FHL3: variants seen among roughly 807,000 people sequenced by gnomAD.
FHL3 encodes the protein four and a half LIM domains 3.
A neutral mutation model predicts 34.3 loss-of-function variants in FHL3; 21 were observed. The observed-to-expected ratio is 0.61, with a 90% confidence interval of 0.43 to 0.88. The LOEUF is 0.88. FHL3 is among the 40% of genes least tolerant of loss of function. FHL3 has a pLI of 0.00. For missense variants in FHL3, 333 were observed against 373.7 expected (o/e 0.89, Z 0.90); for synonymous variants, 137 against 144.6 (o/e 0.95, Z 0.38).
chr1:37,998,174 C>T lies in FHL3; in HGVS notation c.332-42G>A, dbSNP rs372470458. On this transcript the variant is annotated intron_variant, in intron 3 of 5. Coordinates refer to ENST00000373016, the MANE Select transcript of FHL3 (RefSeq NM_004468.5). ...TCCCATTTAGAGGTTGTGTCCCATG[C>T]TCCTGAGGGCCACCCTCTGTAACTT... is the stretch of plus-strand genomic sequence containing the variant. 10 of 1,582,836 alleles carry T rather than the reference C, an allele frequency of 6.3e-6. No homozygotes were observed. In the African/African-American group the frequency reaches 1.2e-4, roughly 19 times the overall value.
In FHL3 at chr1:37,999,261, G is replaced by A. The variant is rs779116540; in HGVS notation, c.152C>T (p.Ser51Leu). 8 of 1,614,046 alleles carry A rather than the reference G, an allele frequency of 5.0e-6. No homozygotes were observed. Among genetic ancestry groups the A allele is most frequent in the Non-Finnish European group, 6.8e-6 (8 of 1,180,024 alleles). ...AECQQLIGHD[S>L]RELFYEDRHF... ...CTGGCCTGGCCCTCTCCTTACCCTC[G>A]AGTCATGCCCGATAAGCTGCTGGCA... Residue 51 changes from serine to leucine, a missense_variant, in exon 2 of 6, where the codon TCG (serine) becomes TTG (leucine). Transcript: ENST00000373016.
At chr1:38,000,192 G>A (rs891579023) in intron 1 of FHL3, among the ~76,000 whole-genome samples, 1 of 152,218 alleles carries the variant, frequency 6.6e-6, no homozygotes, top group Non-Finnish European at 1.5e-5. Context: ...GCCTTGGCCT[G>A]TAACATCTGC....
At chr1:38,003,081 C>G (rs535383871) in intron 1 of FHL3, among the ~76,000 whole-genome samples, 1 of 151,894 alleles carries the variant, frequency 6.6e-6, no homozygotes, top group Admixed American at 6.6e-5. Flanking sequence ...TTGCTTGAAC[C>G]GAGGAGGTGA....
intron 1 of FHL3, among the ~76,000 whole-genome samples, chr1:38,003,470 A>G (rs922430282): frequency 2.6e-5 from 4 of 152,178 alleles, no homozygotes; most frequent in East Asian, 3.9e-4. Context: ...CCCCAGGCCC[A>G]TGGGGCTTGC....
At position 37,998,126 on chromosome 1, in the gene FHL3, C is replaced by T. The variant is rs771932815; in HGVS notation, c.338G>A (p.Arg113Gln). 21 of 1,613,856 alleles carry T rather than the reference C, an allele frequency of 1.3e-5. No individual in the cohort carries two copies. The highest frequency in any genetic ancestry group is 5.5e-5 in the South Asian group (5 of 91,076). ...TGTCTGGCCTCCATATTCCAGCTTC[C>T]GGGACCCTGTGGGGAACAGGGGTCC... Reference protein sequence around the residue: ...ACGETVMPGSRKLEYGGQTWH... With the variant: ...ACGETVMPGSQKLEYGGQTWH... The change falls in exon 4 of 6, where the codon CGG (arginine) becomes CAG (glutamine). Residue 113 changes from arginine (R) to glutamine (Q), a missense_variant. Coordinates refer to ENST00000373016, the MANE Select transcript of FHL3 (RefSeq NM_004468.5).
rs1412015528 is a variant in FHL3 at position 37,997,209 on chromosome 1, CTCTGT to C, written c.*191_*195del. On this transcript the variant is annotated 3_prime_UTR_variant, in exon 6 of 6. Transcript: ENST00000373016. The surrounding 1 kb of genome is among the most constrained non-coding windows in gnomAD (Gnocchi z 4.3). ...GGGGAGGGGGCTTGACTCATGGAGG[CTCTGT>C]AAGAGCCCAGGTTTGGGGCCCTGGG... 3 of 604,432 alleles carry C rather than the reference CTCTGT, an allele frequency of 5.0e-6. No individual in the cohort carries two copies. The highest frequency in any genetic ancestry group is 8.8e-6 in the Non-Finnish European group (3 of 342,586). 37.4% of individuals were successfully genotyped at this position (604,432 alleles called of 1,614,324 possible). A position where few individuals can be genotyped will look rare whatever the true frequency, so the allele number is the denominator to read the frequency against.
At chr1:37,999,506 C>T (rs1241599592) in intron 1 of FHL3, 74 bp from the exon 2 acceptor site, 3 of 1,407,818 alleles carry the variant, frequency 2.1e-6, no homozygotes, top group Non-Finnish European at 2.9e-6. Flanking sequence ...GAGGCCTCTG[C>T]ATTCAAAACA....
Position 37,999,054 on chromosome 1 carries a change from T to C in FHL3, c.251A>G (p.Asp84Gly). 1.9e-6 allele frequency: 3 copies of C among 1,614,234 alleles called. No homozygotes were observed. Among genetic ancestry groups the C allele is most frequent in the Middle Eastern group, 1.6e-4 (1 of 6,062 alleles). The stretch of plus-strand genomic sequence containing the variant: ...GCAGTCATTGCAGAGCAGCTCACTG[T>C]CCTGGCAGGTGAAGGGTTCATCGGC... Reference protein sequence around the residue: ...SLADEPFTCQDSELLCNDCYC... With the variant: ...SLADEPFTCQGSELLCNDCYC... Residue 84 changes from aspartate (D) to glycine (G), a missense_variant, in exon 3 of 6, where the codon GAC (aspartate) becomes GGC (glycine). Physicochemically the swap from Asp to Gly is moderately conservative, Grantham distance 94. Transcript: ENST00000373016.
At chr1:37,998,817 T>G in intron 3 of FHL3, 157 bp downstream of exon 3, 1 of 703,308 alleles carries the variant, frequency 1.4e-6, no homozygotes, top group Non-Finnish European at 2.4e-6. Context: ...CCCCCAGGAG[T>G]ATACCAGGCA....
intron 3 of FHL3, 112 bp downstream of exon 3, chr1:37,998,862 T>C (rs909609655): frequency 2.7e-6 from 3 of 1,098,706 alleles, no homozygotes; most frequent in African/African-American, 3.2e-5. Context: ...TCCAGAAACA[T>C]GCTGTGTATG....
In FHL3 at chr1:38,003,805, G is replaced by C. The variant is rs189708331; in HGVS notation, c.-21+1552C>G. On this transcript the variant is annotated intron_variant, in intron 1 of 5. Coordinates refer to ENST00000373016, the MANE Select transcript of FHL3 (RefSeq NM_004468.5). ...AAAATGCTGCCCTGGTGATGAAGCG[G>C]ATGGTGACATGGGGGTGGTCAGTTT... 1.4e-4 allele frequency among the ~76,000 whole-genome samples: 21 copies of C among 152,316 alleles called. No homozygotes were observed. In the East Asian group the frequency reaches 3.7e-3, roughly 27 times the overall value.
chr1:37,999,494 A>T, intron 1 of FHL3, 62 bp from the exon 2 acceptor site: 2 of 1,511,188 alleles, frequency 1.3e-6, no homozygotes, highest in Non-Finnish European at 1.8e-6. Context: ...GCTCCTGGCA[A>T]AGAGGCCTCT....
In FHL3 at chr1:37,997,955, G is replaced by A. The variant is rs762663278; in HGVS notation, c.501+8C>T. On this transcript the variant is annotated splice_region_variant and intron_variant, in intron 4 of 5. Transcript: ENST00000373016. The surrounding 1 kb of genome is among the most constrained non-coding windows in gnomAD (Gnocchi z 4.3). The stretch of plus-strand genomic sequence containing the variant: ...CACTCACCCCCACCTGGCTGGCCCA[G>A]CCCCCACCTTGCTGCAGCGGGCGCA... 1.2e-6 allele frequency: 2 copies of A among 1,613,710 alleles called. No homozygotes were observed. Among genetic ancestry groups the A allele is most frequent in the East Asian group, 2.2e-5 (1 of 44,820 alleles).
intron 1 of FHL3, among the ~76,000 whole-genome samples, chr1:38,002,456 A>T (rs1413711089): frequency 6.7e-6 from 1 of 149,700 alleles, no homozygotes; most frequent in Non-Finnish European, 1.5e-5. Flanking sequence ...CTGGTCTCAA[A>T]CTCCTGGGCT....
intron 3 of FHL3, among the ~76,000 whole-genome samples, chr1:37,998,454 T>C (rs983638346): frequency 2.0e-5 from 3 of 152,040 alleles, no homozygotes; most frequent in Non-Finnish European, 4.4e-5. Context: ...ATATAACAGA[T>C]GTGATGATTT....
rs781562162 is a variant in FHL3 at position 37,999,415 on chromosome 1, T to C, written c.-3A>G. 72 of 1,613,932 alleles carry C rather than the reference T, an allele frequency of 4.5e-5. No individual in the cohort carries two copies. The highest frequency in any genetic ancestry group is 6.0e-5 in the Non-Finnish European group (71 of 1,180,010). On this transcript the variant is annotated 5_prime_UTR_variant, in exon 2 of 6. Coordinates refer to ENST00000373016, the MANE Select transcript of FHL3 (RefSeq NM_004468.5). ...GCACAGTCAAATGACTCGCTCATGGTGGCAAGGGGAGAGAACCCTGTTAGG... is the reference window on the plus strand; with the variant it reads ...GCACAGTCAAATGACTCGCTCATGGCGGCAAGGGGAGAGAACCCTGTTAGG...
intron 1 of FHL3, among the ~76,000 whole-genome samples, chr1:38,001,616 G>A (rs1172875981): frequency 1.3e-5 from 2 of 152,190 alleles, no homozygotes; most frequent in Non-Finnish European, 2.9e-5. Flanking sequence ...CTTTTCCCTG[G>A]CAAGGCTGGG....
intron 3 of FHL3, 95 bp from the exon 4 acceptor site, chr1:37,998,227 C>A: frequency 1.8e-6 from 2 of 1,137,698 alleles, no homozygotes; most frequent in Admixed American, 2.1e-5. Context: ...CCTCTCTCAG[C>A]GTGAGCAGGG....
rs187833193 is a variant in FHL3, at chr1:37,997,765, G to A, written c.607C>T (p.Arg203Trp). The A allele has an allele frequency of 4.9e-5, 79 of 1,614,158 alleles. No individual in the cohort carries two copies. The highest frequency in any genetic ancestry group is 1.7e-4 in the Middle Eastern group (1 of 6,060). The change falls in exon 5 of 6, where the codon CGG becomes TGG. Residue 203 changes from arginine (R) to tryptophan (W), a missense_variant. Coordinates refer to ENST00000373016, the MANE Select transcript of FHL3 (RefSeq NM_004468.5). This position sits in a 1 kb window ranked among gnomAD's most constrained non-coding sequence, Gnocchi z 4.3. ...TPLAGQQFTS[R>W]DEDPYCVACF... ...GCCACACAGTAGGGATCTTCATCCCGGGAGGTGAACTGCTGCCCTGCCAGG... is the reference window on the plus strand; with the variant it reads ...GCCACACAGTAGGGATCTTCATCCCAGGAGGTGAACTGCTGCCCTGCCAGG...
Sources: gnomAD v4.1 joint callset for allele counts (sites outside exome capture counted in the v4.1 genomes callset) on GRCh38, gnomAD v4.1.1 for gene constraint, Gnocchi (gnomAD v3.1) non-coding constraint, MANE v1.5 for transcripts, NCBI Gene and HGNC (gene_info 2026-07-23, HGNC 2026-07-21) for gene names.